The following ZNF407 variants were observed in gnomAD, a reference collection of about 807,000 sequenced individuals.
ZNF407 encodes the protein zinc finger protein 407.
A neutral mutation model predicts 131.2 loss-of-function variants in ZNF407; 17 were observed. That is an observed-to-expected ratio of 0.13 (90% CI 0.09 to 0.19). ZNF407 has a LOEUF of 0.19. ZNF407 is among the 10% of genes least tolerant of loss of function. The probability of loss-of-function intolerance (pLI) is 1.00; values close to 1 mark genes in which losing one functional copy is unlikely to be tolerated. For synonymous variants in ZNF407, 1,156 were observed against 1,062.0 expected, an observed-to-expected ratio of 1.09 and a Z score of -1.72; for missense variants, 2,681 against 2,830.6, an observed-to-expected ratio of 0.95 and a Z score of 1.20.
At chr18:74,696,676 A>G (rs916656621) in intron 3 of ZNF407, among the ~76,000 whole-genome samples, 8 of 152,314 alleles carry the variant, frequency 5.3e-5, no homozygotes, top group Admixed American at 4.6e-4. Flanking sequence ...ACACATACAC[A>G]TGAATGTATG....
Position 74,633,733 on chromosome 18 carries a change from G to T in ZNF407, c.2714G>T (p.Gly905Val). 6.2e-7 allele frequency: 1 copy of T among 1,613,948 alleles called. No individual in the cohort carries two copies. Reference protein sequence around the residue: ...ERHCATKKHKGRVEIEASGKH... With the variant: ...ERHCATKKHKVRVEIEASGKH... ...CATTGTGCCACCAAGAAACATAAAGGACGGGTAGAAATAGAAGCAAGTGGA... is the reference window on the plus strand; with the variant it reads ...CATTGTGCCACCAAGAAACATAAAGTACGGGTAGAAATAGAAGCAAGTGGA... The change falls in exon 2 of 9, where the codon GGA (glycine) becomes GTA (valine). Residue 905 changes from glycine to valine, a missense_variant. Physicochemically the swap from Gly to Val is moderately radical, Grantham distance 109. Transcript: ENST00000299687.
intron 1 of ZNF407, among the ~76,000 whole-genome samples, chr18:74,607,308 C>T (rs537938086): frequency 3.9e-5 from 6 of 152,296 alleles, no homozygotes; most frequent in African/African-American, 9.6e-5. Flanking sequence ...GACCACACTT[C>T]TGTAGCCTCA....
chr18:74,896,993 T>C (rs2145203778), intron 7 of ZNF407, among the ~76,000 whole-genome samples: 1 of 152,326 alleles, frequency 6.6e-6, no homozygotes, highest in African/African-American at 2.4e-5. Flanking sequence ...TTTTGTATTT[T>C]GTATAATGTT....
At chr18:74,763,705 A>ATTTT (rs11340257) in intron 3 of ZNF407, among the ~76,000 whole-genome samples, 1 of 70,210 alleles carries the variant, frequency 1.4e-5, no homozygotes, top group African/African-American at 5.2e-5. Context: ...CTTATCTTTG[A>ATTTT]TTTTTTTTTT....
chr18:74,888,633 T>C (rs1413395685), intron 6 of ZNF407, among the ~76,000 whole-genome samples: 1 of 152,210 alleles, frequency 6.6e-6, no homozygotes, highest in East Asian at 1.9e-4. Flanking sequence ...ATTTTTTCAA[T>C]AGCTCAGTCG....
intron 4 of ZNF407, among the ~76,000 whole-genome samples, chr18:74,854,704 C>CA (rs1194702671): frequency 2.6e-5 from 4 of 151,824 alleles, no homozygotes; most frequent in Non-Finnish European, 5.9e-5. Flanking sequence ...ATTACACACC[C>CA]AATGCACTAC....
intron 4 of ZNF407, among the ~76,000 whole-genome samples, chr18:74,822,504 C>T (rs930814731): frequency 3.9e-5 from 6 of 152,134 alleles, no homozygotes; most frequent in Admixed American, 1.3e-4. Context: ...TTTCCAAACA[C>T]CATTTATTAA....
intron 8 of ZNF407, among the ~76,000 whole-genome samples, chr18:74,954,345 C>A (rs1972251682): frequency 6.6e-6 from 1 of 152,054 alleles, no homozygotes; most frequent in Non-Finnish European, 1.5e-5. Context: ...TAATATATAT[C>A]TTTAATCTAT....
At chr18:75,029,595 ATGTGTGCATGGGTG>A (rs1341765796) in intron 8 of ZNF407, among the ~76,000 whole-genome samples, 2 of 144,786 alleles carry the variant, frequency 1.4e-5, no homozygotes, top group African/African-American at 2.7e-5. Context: ...GTGTGTGCGT[ATGTGTGCATGGGTG>A]TGTGTGCCTG....
intron 8 of ZNF407, among the ~76,000 whole-genome samples, chr18:75,011,512 A>G (rs929725991): frequency 2.6e-5 from 4 of 152,186 alleles, no homozygotes; most frequent in African/African-American, 9.6e-5. Flanking sequence ...TATATTAAAT[A>G]TTATTACACA....
rs1014316373 is a variant in ZNF407, at chr18:75,062,920, A to T, written c.5429-230A>T. The T allele has an allele frequency of 1.4e-4, 63 of 435,828 alleles. No homozygotes were observed. The Admixed American group carries it at 2.1e-3, about 14-fold the overall frequency. The allele number at this position is 435,828 out of a possible 1,614,324, so 27.0% of individuals were successfully genotyped here. A position where few individuals can be genotyped will look rare whatever the true frequency, so the allele number is the denominator to read the frequency against. On this transcript the variant is annotated intron_variant, in intron 8 of 8. Coordinates refer to ENST00000299687, the MANE Select transcript of ZNF407 (RefSeq NM_017757.3). ...TGGACAGCTCACAGGGCTGTGGGGAAATGCACACCCAGTATTAACTGTGTG... is the reference window on the plus strand; with the variant it reads ...TGGACAGCTCACAGGGCTGTGGGGATATGCACACCCAGTATTAACTGTGTG...
intron 8 of ZNF407, among the ~76,000 whole-genome samples, chr18:75,010,206 C>T (rs972696025): frequency 6.6e-6 from 1 of 152,188 alleles, no homozygotes; most frequent in African/African-American, 2.4e-5. Flanking sequence ...TTCCCAACCA[C>T]ATATTTCCCC....
intron 8 of ZNF407, among the ~76,000 whole-genome samples, chr18:74,942,391 A>G (rs1046374078): frequency 2.6e-5 from 4 of 152,140 alleles, no homozygotes; most frequent in African/African-American, 7.2e-5. Context: ...GATGCCAAAC[A>G]TGGAGGAAAG....
intron 3 of ZNF407, among the ~76,000 whole-genome samples, chr18:74,746,368 A>G (rs7243213): frequency 0.044 from 6,711 of 152,036 alleles, 212 homozygotes; most frequent in South Asian, 0.15. Context: ...TTCAATTTAA[A>G]ATTTTTTCTT....
At chr18:74,702,299 A>G (rs1967516601) in intron 3 of ZNF407, among the ~76,000 whole-genome samples, 1 of 152,194 alleles carries the variant, frequency 6.6e-6, no homozygotes, top group Non-Finnish European at 1.5e-5. Context: ...TTTTCCAATC[A>G]AGTACACTTT....
intron 1 of ZNF407, 122 bp downstream of exon 1, chr18:74,598,059 C>T (rs1982371686): frequency 6.6e-6 from 1 of 152,232 alleles, no homozygotes; most frequent in Admixed American, 6.5e-5. Flanking sequence ...AGAGCCCCGT[C>T]TGGGCCCTTC....
intron 8 of ZNF407, among the ~76,000 whole-genome samples, chr18:74,949,553 T>C (rs1568280270): frequency 1.3e-5 from 2 of 152,200 alleles, no homozygotes; most frequent in African/African-American, 4.8e-5. Flanking sequence ...ATCAATACTT[T>C]CCTCAAAATC....
chr18:75,064,451 G>C lies in ZNF407; in HGVS notation c.6730G>C (p.Glu2244Gln), dbSNP rs975886316. 5.4e-6 allele frequency: 8 copies of C among 1,493,312 alleles called. No individual in the cohort carries two copies. Among genetic ancestry groups the C allele is most frequent in the Non-Finnish European group, 7.1e-6 (8 of 1,119,000 alleles). The allele number at this position is 1,493,312 out of a possible 1,614,324, so 92.5% of individuals were successfully genotyped here. A position where few individuals can be genotyped will look rare whatever the true frequency, so the allele number is the denominator to read the frequency against. The change falls in exon 9 of 9, where the codon GAA (glutamate) becomes CAA (glutamine). Residue 2244 changes from glutamate (E) to glutamine (Q), a missense_variant. Transcript: ENST00000299687. Reference sequence around the variant, plus strand: ...AATTCAGAGCCAAAGAGAAAGCAGCGAACTCCAGGAAGCATGAGACGCGCG... The same window carrying C: ...AATTCAGAGCCAAAGAGAAAGCAGCCAACTCCAGGAAGCATGAGACGCGCG... ...AAIQSQRESS[E>Q]LQEA
chr18:75,021,153 G>A (rs1042606987), intron 8 of ZNF407, among the ~76,000 whole-genome samples: 3 of 151,918 alleles, frequency 2.0e-5, no homozygotes, highest in Non-Finnish European at 4.4e-5. Context: ...CTCTAAAAAG[G>A]TACAAAAAAG....
Sources: allele counts gnomAD v4.1 joint callset (sites outside exome capture counted in the v4.1 genomes callset), GRCh38; gene constraint gnomAD v4.1.1; transcripts MANE v1.5; gene names NCBI Gene and HGNC (gene_info 2026-07-23, HGNC 2026-07-21).